ZNF366: variants seen among roughly 807,000 people sequenced by gnomAD.
The protein encoded by ZNF366 is zinc finger protein 366.
A neutral mutation model predicts 47.2 loss-of-function variants in ZNF366; 20 were observed. The ratio of observed to expected loss-of-function variants is 0.42; its 90% CI spans 0.30 to 0.62. The LOEUF is 0.62. ZNF366 is among the 20% of genes least tolerant of loss of function. The pLI is 0.16. For missense variants in ZNF366, 987 were observed against 976.3 expected, an observed-to-expected ratio of 1.01 and a Z score of -0.15; for synonymous variants, 421 against 395.1, an observed-to-expected ratio of 1.07 and a Z score of -0.78.
intron 1 of ZNF366, among the ~76,000 whole-genome samples, chr5:72,476,737 C>T (rs1743680985): frequency 1.3e-5 from 2 of 152,170 alleles, no homozygotes; most frequent in East Asian, 1.9e-4. Flanking sequence ...CATTTGTATG[C>T]ATGTGAGCCC....
chr5:72,479,046 T>G (rs1278241238), intron 1 of ZNF366, among the ~76,000 whole-genome samples: 1 of 152,238 alleles, frequency 6.6e-6, no homozygotes, highest in Non-Finnish European at 1.5e-5. Context: ...CTCTTCCTCC[T>G]GAGGATGAGT....
At chr5:72,456,937 C>T (rs961595861) in intron 2 of ZNF366, among the ~76,000 whole-genome samples, 11 of 152,004 alleles carry the variant, frequency 7.2e-5, no homozygotes, top group African/African-American at 2.7e-4. Context: ...GGCTGATATG[C>T]AATATGAGTC....
At chr5:72,496,570 G>A (rs1032988482) in intron 1 of ZNF366, among the ~76,000 whole-genome samples, 4 of 152,136 alleles carry the variant, frequency 2.6e-5, no homozygotes, top group African/African-American at 9.7e-5. Context: ...CCAGTTGGGG[G>A]CATTATGAAT....
Position 72,461,331 on chromosome 5 carries a change from G to A in ZNF366, c.166C>T (p.Arg56Trp). 1 of 1,614,044 alleles carries A rather than the reference G, an allele frequency of 6.2e-7. No individual in the cohort carries two copies. Among genetic ancestry groups the A allele is most frequent in the Non-Finnish European group, 8.5e-7 (1 of 1,180,006 alleles). ...AGGTCTCCTGGGGGAGGTTCATACC[G>A]AAACTGGGAAAATGGCCCTCGGAGA... ...EALRGPFSQF[R>W]YEPPPGDLDG... The change falls in exon 2 of 5, where the codon CGG becomes TGG. Residue 56 changes from arginine (R) to tryptophan (W), a missense_variant. Transcript: ENST00000318442.
intron 1 of ZNF366, among the ~76,000 whole-genome samples, chr5:72,461,781 G>A (rs1329985201): frequency 6.6e-6 from 1 of 152,182 alleles, no homozygotes; most frequent in African/African-American, 2.4e-5. Context: ...AACCACAAGG[G>A]GTGATGGTAG....
chr5:72,475,978 A>G (rs1221894873), intron 1 of ZNF366, among the ~76,000 whole-genome samples: 7 of 152,202 alleles, frequency 4.6e-5, no homozygotes, highest in Admixed American at 1.3e-4. Flanking sequence ...GTATGACCCC[A>G]TAACAATGAT....
intron 3 of ZNF366, among the ~76,000 whole-genome samples, chr5:72,452,856 A>C (rs1252654063): frequency 6.6e-6 from 1 of 152,166 alleles, no homozygotes; most frequent in Non-Finnish European, 1.5e-5. Flanking sequence ...ATAGGCTCCA[A>C]ATCAACCCCT....
chr5:72,460,543 G>A lies in ZNF366; in HGVS notation c.954C>T (p.Phe318=). 1.2e-6 allele frequency: 2 copies of A among 1,614,138 alleles called. No individual in the cohort carries two copies. Among genetic ancestry groups the A allele is most frequent in the South Asian group, 2.2e-5 (2 of 91,084 alleles). ...PHKCQVCHKA[F]TQTSHLKRHM... ...GGCGCTTCAGGTGGCTGGTCTGGGT[G>A]AAGGCCTTGTGGCACACCTGGCACT... Residue 318 remains phenylalanine, a synonymous_variant, in exon 2 of 5, where the codon TTC becomes TTT. Coordinates refer to ENST00000318442, the MANE Select transcript of ZNF366 (RefSeq NM_152625.3).
At chr5:72,475,879 G>A (rs966117364) in intron 1 of ZNF366, among the ~76,000 whole-genome samples, 3 of 152,116 alleles carry the variant, frequency 2.0e-5, no homozygotes, top group Admixed American at 6.5e-5. Flanking sequence ...GGGGAACACG[G>A]TGACACCATG....
chr5:72,472,388 C>A (rs1159547542), intron 1 of ZNF366, among the ~76,000 whole-genome samples: 3 of 152,138 alleles, frequency 2.0e-5, no homozygotes, highest in Non-Finnish European at 4.4e-5. Flanking sequence ...ATTAAAATGT[C>A]AGTTAAAACA....
chr5:72,473,198 T>C (rs1743604829), intron 1 of ZNF366, among the ~76,000 whole-genome samples: 1 of 152,210 alleles, frequency 6.6e-6, no homozygotes, highest in Admixed American at 6.5e-5. Context: ...GGAATGTGGA[T>C]ATGAGGCTGG....
At chr5:72,449,484 G>A (rs569134123) in intron 3 of ZNF366, among the ~76,000 whole-genome samples, 12 of 152,282 alleles carry the variant, frequency 7.9e-5, no homozygotes, top group African/African-American at 2.2e-4. Context: ...TGATCCATCC[G>A]CCTCAGCCTC....
chr5:72,496,209 T>A (rs1484333515), intron 1 of ZNF366, among the ~76,000 whole-genome samples: 1 of 152,170 alleles, frequency 6.6e-6, no homozygotes, highest in Non-Finnish European at 1.5e-5. Flanking sequence ...TGTGCAACCA[T>A]CCAAAAATCC....
At chr5:72,467,661 G>A (rs1287553558) in intron 1 of ZNF366, among the ~76,000 whole-genome samples, 2 of 152,182 alleles carry the variant, frequency 1.3e-5, no homozygotes, top group East Asian at 1.9e-4. Context: ...ACTGACTTCT[G>A]TTGGTCCTGA....
intron 1 of ZNF366, among the ~76,000 whole-genome samples, chr5:72,506,219 AC>A (rs984265580): frequency 6.6e-6 from 1 of 152,214 alleles, no homozygotes; most frequent in Non-Finnish European, 1.5e-5. Context: ...ATTGGCTTTT[AC>A]CCATTCGGCA....
chr5:72,477,392 T>G lies in ZNF366; in HGVS notation c.-14-15882A>C, dbSNP rs560495143. Among the ~76,000 whole-genome samples the G allele has an allele frequency of 3.9e-5, 6 of 152,354 alleles. No individual in the cohort carries two copies. The South Asian group carries it at 1.2e-3, about 32-fold the overall frequency. ...GCTTTTAATGTCCTGGAAGTTGAGC[T>G]AATGGCATTGAAATGGCTGATCTTA... is the stretch of plus-strand genomic sequence containing the variant. On this transcript the variant is annotated intron_variant, in intron 1 of 4. Coordinates refer to ENST00000318442, the MANE Select transcript of ZNF366 (RefSeq NM_152625.3).
At position 72,440,760 on chromosome 5, in the gene ZNF366, C is replaced by A. The variant is rs756049090; in HGVS notation, c.*2996G>T. On this transcript the variant is annotated 3_prime_UTR_variant, in exon 5 of 5. Transcript: ENST00000318442. ...CAACAGGTCTAAACCACGATCATCC[C>A]AGGCAAACCAGGATGTTGGTCACTC... is the stretch of plus-strand genomic sequence containing the variant. 6.6e-6 allele frequency: 1 copy of A among 152,180 alleles called. No homozygotes were observed. Among genetic ancestry groups the A allele is most frequent in the Non-Finnish European group, 1.5e-5 (1 of 68,016 alleles). 9.4% of individuals were successfully genotyped at this position (152,180 alleles called of 1,614,324 possible).
chr5:72,469,583 G>T (rs1743515439), intron 1 of ZNF366, among the ~76,000 whole-genome samples: 2 of 152,168 alleles, frequency 1.3e-5, no homozygotes, highest in African/African-American at 4.8e-5. Context: ...CCAAAGGGGA[G>T]ATTTTAAATA....
At chr5:72,468,881 A>G (rs1470312620) in intron 1 of ZNF366, among the ~76,000 whole-genome samples, 2 of 152,216 alleles carry the variant, frequency 1.3e-5, no homozygotes. Context: ...CAGAGCTAGT[A>G]TATCTCTTAT....
Sources: gnomAD v4.1 joint callset for allele counts (sites outside exome capture counted in the v4.1 genomes callset) on GRCh38, gnomAD v4.1.1 for gene constraint, MANE v1.5 for transcripts, NCBI Gene and HGNC (gene_info 2026-07-23, HGNC 2026-07-21) for gene names.